Variants in ZNF200 observed in about 807,000 individuals in gnomAD.
ZNF200 encodes the protein zinc finger protein 200.
Under a neutral mutation model 33.6 loss-of-function variants are expected in ZNF200, and 35 were observed. The observed-to-expected ratio is 1.04, with a 90% CI of 0.80 to 1.38. The LOEUF (loss-of-function observed/expected upper bound fraction) is 1.38. Among genes scored for constraint, ZNF200 ranks in the 40% most tolerant of loss-of-function variants. ZNF200 has a pLI of 0.00. For missense variants in ZNF200, 592 were observed against 470.6 expected, an observed-to-expected ratio of 1.26 and a Z score of -2.39; for synonymous variants, 209 against 167.7, an observed-to-expected ratio of 1.25 and a Z score of -1.90.
At position 3,222,602 on chromosome 16, in the gene ZNF200, T is replaced by C. The variant is rs576782474; in HGVS notation, c.*1290A>G. 25 of 152,308 alleles carry C rather than the reference T, an allele frequency of 1.6e-4. No individual in the cohort carries two copies. The highest frequency in any genetic ancestry group is 4.1e-4 in the South Asian group (2 of 4,828). 9.4% of individuals were successfully genotyped at this position (152,308 alleles called of 1,614,324 possible). On this transcript the variant is annotated 3_prime_UTR_variant, in exon 5 of 5. Coordinates refer to ENST00000414144, the MANE Select transcript of ZNF200 (RefSeq NM_198088.3). ...AAGGCATGTTTCTGGATGGGAAACATACACTATAATTTTTCCCAAATAGCT... is the reference window on the plus strand; with the variant it reads ...AAGGCATGTTTCTGGATGGGAAACACACACTATAATTTTTCCCAAATAGCT...
chr16:3,223,803 A>G lies in ZNF200; in HGVS notation c.*89T>C. 6.7e-7 allele frequency: 1 copy of G among 1,495,958 alleles called. No homozygotes were observed. The highest frequency in any genetic ancestry group is 1.4e-5 in the African/African-American group (1 of 71,458). 92.7% of individuals were successfully genotyped at this position (1,495,958 alleles called of 1,614,324 possible). A position where few individuals can be genotyped will look rare whatever the true frequency, so the allele number is the denominator to read the frequency against. ...AATAATGAGATTTTTACACATTTAT[A>G]CCTTTTTAGGCAGCTTGGGAATTCA... On this transcript the variant is annotated 3_prime_UTR_variant, in exon 5 of 5. Transcript: ENST00000414144.
rs1420706839 is a variant in ZNF200, at chr16:3,222,573, T to C, written c.*1319A>G. On this transcript the variant is annotated 3_prime_UTR_variant, in exon 5 of 5. Transcript: ENST00000414144. ...CACAGGAATATAATACTCTAATAAA[T>C]AGAAAGGCATGTTTCTGGATGGGAA... The C allele has an allele frequency of 6.6e-6, 1 of 152,130 alleles. No individual in the cohort carries two copies. Among genetic ancestry groups the C allele is most frequent in the African/African-American group, 2.4e-5 (1 of 41,426 alleles). The allele number at this position is 152,130 out of a possible 1,614,324, so 9.4% of individuals were successfully genotyped here.
chr16:3,235,125 C>T lies in ZNF200; in HGVS notation c.-220G>A, dbSNP rs1299758773. 1 of 152,244 alleles carries T rather than the reference C, an allele frequency of 6.6e-6. No homozygotes were observed. The allele number at this position is 152,244 out of a possible 1,614,324, so 9.4% of individuals were successfully genotyped here. The stretch of plus-strand genomic sequence containing the variant: ...GAGTGCCCTCACAGGTCGCCGGCGA[C>T]TATTCGTTCGCGCCGCCGCCAGTTG... On this transcript the variant is annotated 5_prime_UTR_variant, in exon 1 of 5. Coordinates refer to ENST00000414144, the MANE Select transcript of ZNF200 (RefSeq NM_198088.3).
intron 4 of ZNF200, among the ~76,000 whole-genome samples, chr16:3,229,235 G>A (rs1958567811): frequency 6.6e-6 from 1 of 152,088 alleles, no homozygotes; most frequent in Non-Finnish European, 1.5e-5. Flanking sequence ...TGAATACCAA[G>A]GACAAGTGTA....
chr16:3,226,373 A>C (rs1958472177), intron 4 of ZNF200: 1 of 151,586 alleles, frequency 6.6e-6, no homozygotes, highest in Non-Finnish European at 1.5e-5. Context: ...CTTTTTAATC[A>C]CTCCCTTAGG....
intron 3 of ZNF200, 134 bp from the exon 4 acceptor site, chr16:3,232,681 A>G (rs1297214908): frequency 6.9e-7 from 1 of 1,459,706 alleles, no homozygotes; most frequent in East Asian, 2.3e-5. Flanking sequence ...GAGGTGCAGC[A>G]AAGACAGGAC....
chr16:3,232,349 A>G lies in ZNF200; in HGVS notation c.466+72T>C, dbSNP rs1011845195. The G allele has an allele frequency of 9.1e-6, 14 of 1,546,462 alleles. No homozygotes were observed. In the African/African-American group the frequency reaches 1.1e-4, roughly 12 times the overall value. ...CTTACCAGGTGTGAATCGTCCCCCA[A>G]AGCTAAAGAGATGAAGGACATGCTT... On this transcript the variant is annotated intron_variant, in intron 4 of 4. Transcript: ENST00000414144.
chr16:3,223,446 C>G lies in ZNF200; in HGVS notation c.*446G>C, dbSNP rs1958381607. 1 of 155,658 alleles carries G rather than the reference C, an allele frequency of 6.4e-6. No homozygotes were observed. The highest frequency in any genetic ancestry group is 1.4e-5 in the Non-Finnish European group (1 of 70,506). The allele number at this position is 155,658 out of a possible 1,614,324, so 9.6% of individuals were successfully genotyped here. A position where few individuals can be genotyped will look rare whatever the true frequency, so the allele number is the denominator to read the frequency against. On this transcript the variant is annotated 3_prime_UTR_variant, in exon 5 of 5. Coordinates refer to ENST00000414144, the MANE Select transcript of ZNF200 (RefSeq NM_198088.3). ...CTATCAGAAGCTGTTGGCTAACAAGCCAGTAATTTGGTTCTTTCACCAGAA... is the reference window on the plus strand; with the variant it reads ...CTATCAGAAGCTGTTGGCTAACAAGGCAGTAATTTGGTTCTTTCACCAGAA...
intron 2 of ZNF200, 109 bp downstream of exon 2, chr16:3,233,397 T>G: frequency 1.4e-6 from 2 of 1,415,948 alleles, no homozygotes; most frequent in Non-Finnish European, 1.9e-6. Flanking sequence ...AATTGACTCC[T>G]TTTCCAATAT....
intron 4 of ZNF200, among the ~76,000 whole-genome samples, chr16:3,231,957 C>T (rs1348480903): frequency 2.0e-5 from 3 of 152,188 alleles, no homozygotes; most frequent in Non-Finnish European, 4.4e-5. Context: ...TAGTGCCTAG[C>T]ATGTAACAGC....
chr16:3,224,243 G>A lies in ZNF200; in HGVS notation c.837C>T (p.Pro279=), dbSNP rs746573359. The change falls in exon 5 of 5, where the codon CCC becomes CCT. Residue 279 remains proline, a synonymous_variant. Coordinates refer to ENST00000414144, the MANE Select transcript of ZNF200 (RefSeq NM_198088.3). Reference sequence around the variant, plus strand: ...TTTTCCCACAGTGATTACAGTCATAGGGTTTTTCTCCAGTGTGGGTCCTCT... The same window carrying A: ...TTTTCCCACAGTGATTACAGTCATAAGGTTTTTCTCCAGTGTGGGTCCTCT... The part of the protein sequence containing the change: ...SHQRTHTGEK[P]YDCNHCGKSF... The A allele has an allele frequency of 9.3e-6, 15 of 1,614,052 alleles. No homozygotes were observed. Among genetic ancestry groups the A allele is most frequent in the African/African-American group, 8.0e-5 (6 of 74,914 alleles).
At chr16:3,228,663 T>C (rs1273829376) in intron 4 of ZNF200, among the ~76,000 whole-genome samples, 1 of 151,878 alleles carries the variant, frequency 6.6e-6, no homozygotes, top group Non-Finnish European at 1.5e-5. Flanking sequence ...CCCAGCTAAC[T>C]TTTGTATATT....
intron 4 of ZNF200, chr16:3,225,870 G>A (rs1958455353): frequency 6.6e-6 from 1 of 151,256 alleles, no homozygotes; most frequent in African/African-American, 2.4e-5. Flanking sequence ...AATCTCTGCT[G>A]GATTCAGCAG....
chr16:3,233,908 G>T, intron 1 of ZNF200, 72 bp from the exon 2 acceptor site: 1 of 1,278,018 alleles, frequency 7.8e-7, no homozygotes, highest in Non-Finnish European at 1.1e-6. Flanking sequence ...ATGTGGCATG[G>T]CTGGTGAGGC....
chr16:3,232,359 G>A (rs1958657081), intron 4 of ZNF200, 62 bp downstream of exon 4: 2 of 1,576,004 alleles, frequency 1.3e-6, no homozygotes, highest in Admixed American at 1.8e-5. Context: ...AAGCTAAAGA[G>A]ATGAAGGACA....
In ZNF200 at chr16:3,224,254, C is replaced by T. The variant is rs768154936; in HGVS notation, c.826G>A (p.Gly276Arg). The change falls in exon 5 of 5, where the codon GGA (glycine) becomes AGA (arginine). Residue 276 changes from glycine to arginine, a missense_variant. Transcript: ENST00000414144. ...TGATTACAGTCATAGGGTTTTTCTC[C>T]AGTGTGGGTCCTCTGGTGGGAAATG... ...YLISHQRTHT[G>R]EKPYDCNHCG... The T allele has an allele frequency of 6.2e-7, 1 of 1,614,054 alleles. No homozygotes were observed. Among genetic ancestry groups the T allele is most frequent in the Non-Finnish European group, 8.5e-7 (1 of 1,179,998 alleles).
chr16:3,228,960 C>A (rs1443404007), intron 4 of ZNF200, among the ~76,000 whole-genome samples: 4 of 151,900 alleles, frequency 2.6e-5, no homozygotes, highest in Non-Finnish European at 5.9e-5. Context: ...AGGATTCAAC[C>A]AACCAAGGAT....
chr16:3,234,874 C>G (rs1958762234), intron 1 of ZNF200, 113 bp downstream of exon 1: 1 of 152,306 alleles, frequency 6.6e-6, no homozygotes, highest in African/African-American at 2.4e-5. Context: ...GCGTGCGCCC[C>G]TGCCTGAGGC....
chr16:3,232,162 T>C (rs1958651585), intron 4 of ZNF200, among the ~76,000 whole-genome samples: 1 of 152,198 alleles, frequency 6.6e-6, no homozygotes, highest in African/African-American at 2.4e-5. Context: ...GAACAGTTTC[T>C]ATATCCACAG....
Sources: gnomAD v4.1 joint callset for allele counts (sites outside exome capture counted in the v4.1 genomes callset) on GRCh38, gnomAD v4.1.1 for gene constraint, MANE v1.5 for transcripts, NCBI Gene and HGNC (gene_info 2026-07-23, HGNC 2026-07-21) for gene names.